LARP4B: variants seen among roughly 807,000 people sequenced by gnomAD.
LARP4B encodes the protein La ribonucleoprotein 4B.
A neutral mutation model predicts 89.8 loss-of-function variants in LARP4B; 12 were observed. The observed-to-expected ratio is 0.13, with a 90% CI of 0.09 to 0.22. LARP4B has a LOEUF of 0.22. Ranked by LOEUF, LARP4B falls within the 10% of genes least tolerant of loss-of-function variation. The pLI is 1.00. For missense variants in LARP4B, 757 were observed against 947.7 expected (o/e 0.80, Z 2.64); for synonymous variants, 367 against 363.3 (o/e 1.01, Z -0.12).
chr10:882,410 C>T (rs1027308089), intron 3 of LARP4B, among the ~76,000 whole-genome samples: 1 of 149,498 alleles, frequency 6.7e-6, no homozygotes, highest in Non-Finnish European at 1.5e-5. Context: ...TTTTCTGAGA[C>T]AGAGTTTCAC....
At chr10:865,291 T>C (rs1178561206) in intron 3 of LARP4B, among the ~76,000 whole-genome samples, 1 of 152,160 alleles carries the variant, frequency 6.6e-6, no homozygotes, top group Non-Finnish European at 1.5e-5. Context: ...AAACCTCACC[T>C]GGAAGACAGC....
chr10:898,966 C>G (rs193088507), intron 1 of LARP4B, among the ~76,000 whole-genome samples: 1 of 152,166 alleles, frequency 6.6e-6, no homozygotes, highest in African/African-American at 2.4e-5. Context: ...AATGTCACAT[C>G]GTAACATGAC....
intron 1 of LARP4B, among the ~76,000 whole-genome samples, chr10:901,673 G>A (rs534101506): frequency 6.6e-5 from 10 of 152,062 alleles, no homozygotes; most frequent in South Asian, 2.1e-4. Flanking sequence ...AAAGAAATGC[G>A]TCCAATCTCA....
At chr10:896,581 A>G (rs1043086256) in intron 1 of LARP4B, among the ~76,000 whole-genome samples, 1 of 152,210 alleles carries the variant, frequency 6.6e-6, no homozygotes, top group African/African-American at 2.4e-5. Context: ...CCTTTCATAA[A>G]CAATGTTATT....
chr10:857,120 AC>A (rs1313315458), intron 5 of LARP4B, among the ~76,000 whole-genome samples: 1 of 152,176 alleles, frequency 6.6e-6, no homozygotes, highest in East Asian at 1.9e-4. Context: ...CAAGAAAGTT[AC>A]AAGGCATACA....
chr10:899,665 T>C (rs1328458345), intron 1 of LARP4B, among the ~76,000 whole-genome samples: 1 of 152,220 alleles, frequency 6.6e-6, no homozygotes, highest in Non-Finnish European at 1.5e-5. Context: ...TAATTGTCTA[T>C]GATTAGGAAC....
chr10:927,951 G>A (rs1837192220), intron 1 of LARP4B, among the ~76,000 whole-genome samples: 2 of 152,004 alleles, frequency 1.3e-5, no homozygotes, highest in Admixed American at 6.6e-5. Context: ...CGTGGCTCAC[G>A]CCTGCAATCC....
chr10:980,894 G>A, the LARP4B span, among the ~76,000 whole-genome samples: 1 of 152,222 alleles, frequency 6.6e-6, no homozygotes, highest in Admixed American at 6.5e-5. Context: ...TGTGCCACAT[G>A]GCCAGGCTGC....
At chr10:887,517 C>T (rs1835893123) in intron 1 of LARP4B, among the ~76,000 whole-genome samples, 1 of 151,604 alleles carries the variant, frequency 6.6e-6, no homozygotes, top group Non-Finnish European at 1.5e-5. Flanking sequence ...TCGAGACCAG[C>T]CTGGCCAACA....
chr10:844,824 AAAG>A (rs979923148), intron 6 of LARP4B, among the ~76,000 whole-genome samples, 150 bp downstream of exon 6: 3 of 152,128 alleles, frequency 2.0e-5, no homozygotes, highest in Non-Finnish European at 4.4e-5. Flanking sequence ...TCAAATGTCA[AAAG>A]ACTGTCATTA....
chr10:942,917 T>C, the LARP4B span, among the ~76,000 whole-genome samples: 1 of 151,604 alleles, frequency 6.6e-6, no homozygotes, highest in Admixed American at 6.6e-5. Context: ...CACTCCAGCT[T>C]TCAGATGATC....
chr10:947,683 G>A, the LARP4B span, among the ~76,000 whole-genome samples: 2 of 152,094 alleles, frequency 1.3e-5, no homozygotes, highest in African/African-American at 2.4e-5. Context: ...GTGCAAGGGC[G>A]CAATCTCGGC....
intron 3 of LARP4B, among the ~76,000 whole-genome samples, chr10:870,978 C>T (rs1835171460): frequency 6.6e-6 from 1 of 152,210 alleles, no homozygotes; most frequent in Admixed American, 6.5e-5. Flanking sequence ...TCAAAATCAG[C>T]GTTCTCTGTT....
At chr10:847,928 T>G (rs961776385) in intron 5 of LARP4B, among the ~76,000 whole-genome samples, 1 of 152,032 alleles carries the variant, frequency 6.6e-6, no homozygotes, top group African/African-American at 2.4e-5. Context: ...GGGAACCCAG[T>G]GTATGGCTGT....
the LARP4B span, among the ~76,000 whole-genome samples, chr10:963,099 T>A: frequency 6.6e-6 from 1 of 152,166 alleles, no homozygotes; most frequent in Non-Finnish European, 1.5e-5. Context: ...TTCTCCTTCC[T>A]CCAGCCTGTG....
At chr10:830,313 TC>T (rs1832836442) in intron 9 of LARP4B, among the ~76,000 whole-genome samples, 1 of 152,172 alleles carries the variant, frequency 6.6e-6, no homozygotes, top group African/African-American at 2.4e-5. Context: ...GTTCCCCTTT[TC>T]CCCCTCCATC....
the LARP4B span, among the ~76,000 whole-genome samples, chr10:963,782 C>T: frequency 7.2e-5 from 11 of 152,304 alleles, no homozygotes; most frequent in Admixed American, 6.5e-4. Flanking sequence ...CGTGTCATGA[C>T]ATGGTGGAAG....
intron 3 of LARP4B, among the ~76,000 whole-genome samples, chr10:878,564 G>A (rs1319640555): frequency 2.0e-5 from 3 of 152,180 alleles, no homozygotes; most frequent in Non-Finnish European, 4.4e-5. Context: ...TCAGGATCTG[G>A]CAGTGGATTA....
chr10:965,833 C>A, the LARP4B span, among the ~76,000 whole-genome samples: 3 of 152,014 alleles, frequency 2.0e-5, no homozygotes, highest in Admixed American at 6.6e-5. Flanking sequence ...GGTTTAGAAT[C>A]ATCAACCGAT....
Sources: gnomAD v4.1 joint callset for allele counts (sites outside exome capture counted in the v4.1 genomes callset) on GRCh38, gnomAD v4.1.1 for gene constraint, MANE v1.5 for transcripts, NCBI Gene and HGNC (gene_info 2026-07-23, HGNC 2026-07-21) for gene names.